PTPRD: variants seen among roughly 807,000 people sequenced by gnomAD.
PTPRD encodes protein tyrosine phosphatase receptor type D.
PTPRD carries 34 observed loss-of-function variants against 214.5 expected under a neutral mutation model. The observed-to-expected ratio is 0.16, with a 90% CI of 0.12 to 0.21. The LOEUF (loss-of-function observed/expected upper bound fraction) is 0.21. Ranked by LOEUF, PTPRD falls within the 10% of genes least tolerant of loss-of-function variation. The pLI is 1.00. For synonymous variants in PTPRD, 1,128 were observed against 845.7 expected, an observed-to-expected ratio of 1.33 and a Z score of -5.79; for missense variants, 2,545 against 2,398.7, an observed-to-expected ratio of 1.06 and a Z score of -1.27.
intron 34 of PTPRD, among the ~76,000 whole-genome samples, chr9:8,438,170 A>C (rs1448007509): frequency 6.6e-6 from 1 of 152,192 alleles, no homozygotes; most frequent in African/African-American, 2.4e-5. Context: ...TGACTACTTT[A>C]AGAGCATTTT....
At chr9:8,912,537 G>T (rs2098755330) in intron 11 of PTPRD, among the ~76,000 whole-genome samples, 2 of 152,070 alleles carry the variant, frequency 1.3e-5, no homozygotes, top group African/African-American at 4.8e-5. Context: ...GGAACTTTTG[G>T]GGTGGTGGGA....
chr9:8,512,759 T>C (rs1197236953), intron 21 of PTPRD, among the ~76,000 whole-genome samples: 1 of 151,956 alleles, frequency 6.6e-6, no homozygotes, highest in Admixed American at 6.5e-5. Flanking sequence ...TAGATGTAAT[T>C]AGAGGTCAGA....
intron 2 of PTPRD, among the ~76,000 whole-genome samples, chr9:10,515,836 G>C (rs10756052): frequency 0.22 from 33,172 of 151,730 alleles, 3,975 homozygotes; most frequent in Admixed American, 0.32. Flanking sequence ...TGCAGTATTT[G>C]TCCTTCGTTG....
At chr9:9,704,097 C>A (rs2097551566) in intron 7 of PTPRD, among the ~76,000 whole-genome samples, 3 of 152,116 alleles carry the variant, frequency 2.0e-5, no homozygotes, top group African/African-American at 7.2e-5. Context: ...ACCCTGAAAC[C>A]AGATAATAGC....
chr9:9,392,754 G>T (rs1205752670), intron 9 of PTPRD, among the ~76,000 whole-genome samples: 1 of 152,090 alleles, frequency 6.6e-6, no homozygotes, highest in East Asian at 1.9e-4. Context: ...AATAAGCCCA[G>T]GTCAAATTTG....
At chr9:9,316,976 C>G (rs1963552594) in intron 9 of PTPRD, among the ~76,000 whole-genome samples, 1 of 152,156 alleles carries the variant, frequency 6.6e-6, no homozygotes, top group Admixed American at 6.5e-5. Flanking sequence ...TCTTTCTCTA[C>G]AATGTTGACA....
chr9:9,461,717 A>G (rs10759075), intron 8 of PTPRD, among the ~76,000 whole-genome samples: 104,325 of 151,904 alleles, frequency 0.69, 35,840 homozygotes, highest in Middle Eastern at 0.8. Flanking sequence ...CATAACCTCT[A>G]TGTTAGGAAT....
At chr9:10,460,910 G>C (rs1201012374) in intron 2 of PTPRD, among the ~76,000 whole-genome samples, 3 of 151,968 alleles carry the variant, frequency 2.0e-5, no homozygotes, top group Admixed American at 1.3e-4. Flanking sequence ...CAAATAAAAA[G>C]TTTCTTCTCA....
rs542719953 is a variant in PTPRD at position 9,245,626 on chromosome 9, G to A, written c.-202-62263C>T. 1.4e-4 allele frequency among the ~76,000 whole-genome samples: 22 copies of A among 152,154 alleles called. No homozygotes were observed. The South Asian group carries it at 4.6e-3, about 32-fold the overall frequency. On this transcript the variant is annotated intron_variant, in intron 9 of 45. Transcript: ENST00000381196. ...ACACACCAGGGCCTGTTGTGGGGTG[G>A]GGGGATGGGGGAGGGATAGCATTAG...
chr9:8,980,841 C>T (rs1482279816), intron 11 of PTPRD, among the ~76,000 whole-genome samples: 1 of 151,926 alleles, frequency 6.6e-6, no homozygotes, highest in Non-Finnish European at 1.5e-5. Flanking sequence ...TCATGTAGGG[C>T]AAAGGGTGGT....
chr9:9,299,979 G>A lies in PTPRD; in HGVS notation c.-203+97470C>T, dbSNP rs560586520. Among the ~76,000 whole-genome samples the A allele has an allele frequency of 4.7e-5, 7 of 148,456 alleles. No individual in the cohort carries two copies. In the South Asian group the frequency reaches 6.6e-4, roughly 14 times the overall value. On this transcript the variant is annotated intron_variant, in intron 9 of 45. Coordinates refer to ENST00000381196, the MANE Select transcript of PTPRD (RefSeq NM_002839.4). ...TATGTACATAGTTAACTATTATCTC[G>A]TATGCTGTTCAAATTGTAAAAAAGT...
intron 8 of PTPRD, among the ~76,000 whole-genome samples, chr9:9,425,209 G>C (rs1420823894): frequency 6.6e-6 from 1 of 151,816 alleles, no homozygotes; most frequent in East Asian, 1.9e-4. Context: ...GGTGATGCTT[G>C]GCTCCCAGAA....
intron 5 of PTPRD, among the ~76,000 whole-genome samples, chr9:9,922,618 T>C (rs1256440599): frequency 4.6e-5 from 7 of 151,878 alleles, no homozygotes; most frequent in Non-Finnish European, 7.4e-5. Context: ...AATGTTGGAG[T>C]GAGAAAACAG....
chr9:10,221,694 A>G (rs1038571826), intron 3 of PTPRD, among the ~76,000 whole-genome samples: 2 of 151,990 alleles, frequency 1.3e-5, no homozygotes, highest in African/African-American at 2.4e-5. Flanking sequence ...CATTAAGTAC[A>G]TCCACAATTT....
At chr9:9,495,087 G>A (rs542337903) in intron 8 of PTPRD, among the ~76,000 whole-genome samples, 4 of 151,974 alleles carry the variant, frequency 2.6e-5, no homozygotes, top group Non-Finnish European at 4.4e-5. Context: ...TTCAATAAAT[G>A]GTACTGGGAA....
At chr9:8,740,398 T>A (rs908402994) in intron 11 of PTPRD, among the ~76,000 whole-genome samples, 1 of 152,170 alleles carries the variant, frequency 6.6e-6, no homozygotes, top group African/African-American at 2.4e-5. Context: ...ATGAAATAAT[T>A]TGTATAGTTG....
chr9:10,339,891 AG>A (rs1454241263), intron 3 of PTPRD, among the ~76,000 whole-genome samples: 2 of 151,814 alleles, frequency 1.3e-5, no homozygotes. Context: ...GAGCTTCAAA[AG>A]CTTCCATCAA....
chr9:9,546,868 A>T (rs2078921451), intron 8 of PTPRD, among the ~76,000 whole-genome samples: 2 of 151,884 alleles, frequency 1.3e-5, no homozygotes, highest in Non-Finnish European at 2.9e-5. Context: ...TCACTAAAAG[A>T]GCATTAAAAC....
At chr9:10,571,135 A>G (rs188799892) in intron 2 of PTPRD, among the ~76,000 whole-genome samples, 24 of 152,222 alleles carry the variant, frequency 1.6e-4, no homozygotes, top group African/African-American at 5.8e-4. Flanking sequence ...TTGTTTTTTT[A>G]AGAATATAAA....
Sources: gnomAD v4.1 joint callset for allele counts (sites outside exome capture counted in the v4.1 genomes callset) on GRCh38, gnomAD v4.1.1 for gene constraint, MANE v1.5 for transcripts, NCBI Gene and HGNC (gene_info 2026-07-23, HGNC 2026-07-21) for gene names.